PCDHGB5: variants seen among roughly 807,000 people sequenced by gnomAD.
PCDHGB5 encodes protocadherin gamma subfamily B, 5, also known as protocadherin gamma-B5.
In PCDHGB5, 48 loss-of-function variants were observed where a neutral mutation model predicts 62.9. The observed-to-expected ratio is 0.76, with a 90% CI of 0.61 to 0.97. PCDHGB5 has a LOEUF of 0.97. PCDHGB5 is among the 50% of genes least tolerant of loss of function. The pLI is 0.00. For missense variants in PCDHGB5, 1,118 were observed against 1,198.6 expected (o/e 0.93, Z 0.99); for synonymous variants, 474 against 511.2 (o/e 0.93, Z 0.98).
At position 141,476,051 on chromosome 5, in the gene PCDHGB5, GA is replaced by G; in HGVS notation, c.2398-18753del. On this transcript the variant is annotated intron_variant, in intron 1 of 3. Transcript: ENST00000617380. This position sits in a 1 kb window ranked among gnomAD's most constrained non-coding sequence, Gnocchi z 7.6. ...CCCAGCGCCCAAGCGCTAACCCGCT[GA>G]AAGTTTCTCAGCGAAATCTCAGGGA... 1.3e-6 allele frequency: 2 copies of G among 1,504,270 alleles called. No individual in the cohort carries two copies. The highest frequency in any genetic ancestry group is 1.8e-6 in the Non-Finnish European group (2 of 1,133,694). The allele number at this position is 1,504,270 out of a possible 1,614,324, so 93.2% of individuals were successfully genotyped here.
intron 1 of PCDHGB5, chr5:141,415,649 A>T: frequency 1.9e-6 from 3 of 1,597,710 alleles, no homozygotes; most frequent in Non-Finnish European, 2.6e-6. Context: ...GTTAAAAAAA[A>T]AAAGATTGGT....
At chr5:141,472,729 T>G (rs2099294506) in intron 1 of PCDHGB5, among the ~76,000 whole-genome samples, 1 of 152,004 alleles carries the variant, frequency 6.6e-6, no homozygotes. Context: ...CTCACACCTG[T>G]AATCCCAGCA....
At position 141,489,728 on chromosome 5, in the gene PCDHGB5, G is replaced by T; in HGVS notation, c.2398-5079G>T. ...GACAGTGCCCAGGATCCGGATGTGGGCACCAATACTGTGAGCTTTTACACT... is the reference window on the plus strand; with the variant it reads ...GACAGTGCCCAGGATCCGGATGTGGTCACCAATACTGTGAGCTTTTACACT... On this transcript the variant is annotated intron_variant, in intron 1 of 3. Transcript: ENST00000617380. The surrounding 1 kb of genome is among the most constrained non-coding windows in gnomAD (Gnocchi z 4.5). The T allele has an allele frequency of 3.1e-6, 5 of 1,614,138 alleles. No homozygotes were observed. The South Asian group carries it at 5.5e-5, about 18-fold the overall frequency.
At chr5:141,452,879 A>C (rs1389712789) in intron 1 of PCDHGB5, among the ~76,000 whole-genome samples, 1 of 152,200 alleles carries the variant, frequency 6.6e-6, no homozygotes, top group Admixed American at 6.5e-5. Context: ...CATTTGTAAT[A>C]ATTTATTCCA....
chr5:141,507,861 C>G (rs538942097), intron 3 of PCDHGB5, among the ~76,000 whole-genome samples: 6 of 152,306 alleles, frequency 3.9e-5, no homozygotes, highest in South Asian at 4.1e-4. Flanking sequence ...CTTTCACACC[C>G]GCTTCCTAGC....
chr5:141,422,723 G>A lies in PCDHGB5; in HGVS notation c.2397+22199G>A. The stretch of plus-strand genomic sequence containing the variant: ...TCTCTGACGGATGACACTGTCCAGG[G>A]GGTGCCTCTGTCCTCCTATGTCTCT... On this transcript the variant is annotated intron_variant, in intron 1 of 3. Coordinates refer to ENST00000617380, the MANE Select transcript of PCDHGB5 (RefSeq NM_018925.3). The A allele has an allele frequency of 1.2e-6, 2 of 1,605,958 alleles. No homozygotes were observed. The highest frequency in any genetic ancestry group is 1.7e-6 in the Non-Finnish European group (2 of 1,175,478).
chr5:141,413,328 C>G, intron 1 of PCDHGB5: 1 of 1,614,004 alleles, frequency 6.2e-7, no homozygotes, highest in Non-Finnish European at 8.5e-7. Context: ...TCGTGGGCAA[C>G]ATCTCCAAGG....
At chr5:141,502,484 G>A (rs962659219) in intron 2 of PCDHGB5, among the ~76,000 whole-genome samples, 1 of 152,000 alleles carries the variant, frequency 6.6e-6, no homozygotes. Context: ...CATCACACTG[G>A]GACTCATCTA....
At position 141,476,015 on chromosome 5, in the gene PCDHGB5, C is replaced by A; in HGVS notation, c.2398-18792C>A. The A allele has an allele frequency of 7.4e-7, 1 of 1,344,728 alleles. No individual in the cohort carries two copies. The highest frequency in any genetic ancestry group is 1.0e-6 in the Non-Finnish European group (1 of 992,700). The allele number at this position is 1,344,728 out of a possible 1,614,324, so 83.3% of individuals were successfully genotyped here. A position where few individuals can be genotyped will look rare whatever the true frequency, so the allele number is the denominator to read the frequency against. ...ATCAACGGCATCCAGAAAGCCATGT[C>A]GGACTCGGCGCCCAGCGCCCAAGCG... On this transcript the variant is annotated intron_variant, in intron 1 of 3. Coordinates refer to ENST00000617380, the MANE Select transcript of PCDHGB5 (RefSeq NM_018925.3). This position sits in a 1 kb window ranked among gnomAD's most constrained non-coding sequence, Gnocchi z 7.6.
rs1460072742 is a variant in PCDHGB5, at chr5:141,399,761, G to A, written c.1634G>A (p.Arg545His). 3 of 1,613,238 alleles carry A rather than the reference G, an allele frequency of 1.9e-6. No individual in the cohort carries two copies. The highest frequency in any genetic ancestry group is 1.7e-4 in the Middle Eastern group (1 of 5,918). The change falls in exon 1 of 4, where the codon CGC becomes CAC. Residue 545 changes from arginine (R) to histidine (H), a missense_variant. Around this residue, in one of 2 missense-constraint regions of PCDHGB5, gnomAD observed 1,034 missense variants for 1,029.1 expected, o/e 1.00. Transcript: ENST00000617380. The stretch of plus-strand genomic sequence containing the variant: ...GCGCTCAGCGCAAACGTGAGCCTGC[G>A]CGTGTTGGTGGGCGACCGAAACGAC... The part of the protein sequence containing the change: ...SPALSANVSL[R>H]VLVGDRNDNA...
chr5:141,438,627 T>TAC (rs2098030812), intron 1 of PCDHGB5, among the ~76,000 whole-genome samples: 3 of 48,012 alleles, frequency 6.2e-5, no homozygotes, highest in Non-Finnish European at 1.0e-4. Flanking sequence ...TATATATATA[T>TAC]ATATATATAC....
rs1562059777 is a variant in PCDHGB5, at chr5:141,477,098, G to C, written c.2398-17709G>C. 6.2e-7 allele frequency: 1 copy of C among 1,614,242 alleles called. No individual in the cohort carries two copies. Among genetic ancestry groups the C allele is most frequent in the Non-Finnish European group, 8.5e-7 (1 of 1,180,046 alleles). ...GATTTACATCCAGGCCAAAGACAAG[G>C]GCGCCAATCCCGAAGGAGCACATTG... On this transcript the variant is annotated intron_variant, in intron 1 of 3. Transcript: ENST00000617380. This position sits in a 1 kb window ranked among gnomAD's most constrained non-coding sequence, Gnocchi z 4.9.
At chr5:141,496,782 C>T (rs552953558) in intron 2 of PCDHGB5, among the ~76,000 whole-genome samples, 16 of 152,136 alleles carry the variant, frequency 1.1e-4, no homozygotes, top group South Asian at 2.1e-4. Context: ...TGAGCAGGGC[C>T]CTGTGCTAAA....
At chr5:141,445,805 A>G (rs2098478274) in intron 1 of PCDHGB5, among the ~76,000 whole-genome samples, 2 of 152,236 alleles carry the variant, frequency 1.3e-5, no homozygotes, top group South Asian at 4.1e-4. Flanking sequence ...GAAAATAAAT[A>G]GATGAAACTA....
intron 1 of PCDHGB5, chr5:141,409,204 C>A: frequency 6.2e-7 from 1 of 1,613,942 alleles, no homozygotes; most frequent in South Asian, 1.1e-5. Flanking sequence ...GTAAAGTAAT[C>A]ATAGAAATCC....
intron 1 of PCDHGB5, among the ~76,000 whole-genome samples, chr5:141,457,665 G>A (rs2098927092): frequency 6.6e-6 from 1 of 152,330 alleles, no homozygotes; most frequent in Non-Finnish European, 1.5e-5. Flanking sequence ...AGCAAGAATG[G>A]TTATTTCTAC....
chr5:141,419,103 C>A, intron 1 of PCDHGB5: 1 of 1,613,886 alleles, frequency 6.2e-7, no homozygotes, highest in South Asian at 1.1e-5. Flanking sequence ...CGGGAGCAGA[C>A]CCCAGAGTAC....
rs1024686607 is a variant in PCDHGB5, at chr5:141,487,597, T to C, written c.2398-7210T>C. 6.2e-7 allele frequency: 1 copy of C among 1,614,178 alleles called. No homozygotes were observed. The highest frequency in any genetic ancestry group is 8.5e-7 in the Non-Finnish European group (1 of 1,180,040). ...TTCGCCCAAGCTGCCCACCCTCTGA[T>C]CTTCTCTATGGGCTAGAGGTGAGAC... On this transcript the variant is annotated intron_variant, in intron 1 of 3. Coordinates refer to ENST00000617380, the MANE Select transcript of PCDHGB5 (RefSeq NM_018925.3). The surrounding 1 kb of genome is among the most constrained non-coding windows in gnomAD (Gnocchi z 5.0).
chr5:141,510,910 A>C (rs780792326), intron 3 of PCDHGB5, 37 bp from the exon 4 acceptor site: 4 of 1,613,740 alleles, frequency 2.5e-6, no homozygotes, highest in Admixed American at 3.3e-5. Flanking sequence ...GAGGACCCTA[A>C]GTTTAGCTCC....
Sources: gnomAD v4.1 joint callset for allele counts (sites outside exome capture counted in the v4.1 genomes callset) on GRCh38, gnomAD v4.1.1 for gene constraint, gnomAD v4.1.1 regional missense constraint, Gnocchi (gnomAD v3.1) non-coding constraint, MANE v1.5 for transcripts, NCBI Gene and HGNC (gene_info 2026-07-23, HGNC 2026-07-21) for gene names.